The following CNTN6 variants were observed in gnomAD, a reference collection of about 807,000 sequenced individuals.
CNTN6 encodes contactin 6.
In CNTN6, 137 loss-of-function variants were observed where a neutral mutation model predicts 122.8. That is an observed-to-expected ratio of 1.12 (90% CI 0.97 to 1.29). CNTN6 has a LOEUF of 1.29. Among genes scored for constraint, CNTN6 ranks in the 50% most tolerant of loss-of-function variants. CNTN6 has a pLI of 0.00. For synonymous variants in CNTN6, 570 were observed against 426.0 expected, an observed-to-expected ratio of 1.34 and a Z score of -4.16; for missense variants, 1,634 against 1,223.4, an observed-to-expected ratio of 1.34 and a Z score of -5.01.
At chr3:1,239,618 A>C (rs1208555288) in intron 4 of CNTN6, among the ~76,000 whole-genome samples, 1 of 152,210 alleles carries the variant, frequency 6.6e-6, no homozygotes, top group African/African-American at 2.4e-5. Context: ...CTACAAAGTC[A>C]GTGCAATTCC....
At chr3:1,106,387 T>C (rs2091222989) in intron 1 of CNTN6, among the ~76,000 whole-genome samples, 1 of 152,134 alleles carries the variant, frequency 6.6e-6, no homozygotes. Flanking sequence ...GTTATTTGAC[T>C]TTGGCAGAAC....
rs1858065 is a variant in CNTN6, at chr3:1,306,164, T to A, written c.761+8173T>A. Among the ~76,000 whole-genome samples, 719 of 152,270 alleles carry A rather than the reference T, an allele frequency of 4.7e-3. 1 individual carries two copies. The highest frequency in any genetic ancestry group is 8.0e-3 in the Non-Finnish European group (547 of 68,004). On this transcript the variant is annotated intron_variant, in intron 7 of 22. Transcript: ENST00000446702. ...ATTGTTTACCTTTTGTTTCCCCTCATTGAGTTGAGCAGATAGAGAACAGAA... is the reference window on the plus strand; with the variant it reads ...ATTGTTTACCTTTTGTTTCCCCTCAATGAGTTGAGCAGATAGAGAACAGAA...
intron 4 of CNTN6, among the ~76,000 whole-genome samples, chr3:1,237,472 T>C (rs1041069625): frequency 5.3e-5 from 8 of 152,310 alleles, no homozygotes; most frequent in Non-Finnish European, 1.2e-4. Context: ...TTGGAAAATA[T>C]GTCTGAGAGA....
chr3:1,375,180 A>C (rs1294724725), intron 16 of CNTN6, among the ~76,000 whole-genome samples: 1 of 152,122 alleles, frequency 6.6e-6, no homozygotes, highest in Admixed American at 6.6e-5. Flanking sequence ...GGTGTTGTCC[A>C]TGACTCTGGA....
At chr3:1,302,605 T>C (rs533660981) in intron 7 of CNTN6, among the ~76,000 whole-genome samples, 19 of 152,252 alleles carry the variant, frequency 1.2e-4, no homozygotes, top group African/African-American at 3.6e-4. Context: ...TTTTAGGTCA[T>C]AAGAGAGCTT....
At chr3:1,377,376 G>C (rs141981183) in intron 17 of CNTN6, among the ~76,000 whole-genome samples, 2 of 152,066 alleles carry the variant, frequency 1.3e-5, no homozygotes, top group African/African-American at 2.4e-5. Context: ...TGTTTGATTT[G>C]TTACCTGTGG....
At chr3:1,096,864 A>C (rs2090553086) in intron 1 of CNTN6, among the ~76,000 whole-genome samples, 1 of 152,292 alleles carries the variant, frequency 6.6e-6, no homozygotes, top group African/African-American at 2.4e-5. Flanking sequence ...ATTTTCACTG[A>C]AGACGGAGGG....
At chr3:1,219,474 C>T (rs2094175855) in intron 2 of CNTN6, among the ~76,000 whole-genome samples, 1 of 152,130 alleles carries the variant, frequency 6.6e-6, no homozygotes, top group Non-Finnish European at 1.5e-5. Flanking sequence ...TTTTTAAAGC[C>T]AATTTTTACT....
Position 1,385,574 on chromosome 3 carries a change from G to A in CNTN6, c.2518-37G>A, listed in dbSNP as rs375565532. Reference sequence around the variant, plus strand: ...TAAAAAATGATTGATAGTTATTGGGGAACAATAAATTGCTTGTTTTGGTTT... The same window carrying A: ...TAAAAAATGATTGATAGTTATTGGGAAACAATAAATTGCTTGTTTTGGTTT... On this transcript the variant is annotated intron_variant, in intron 19 of 22. Transcript: ENST00000446702. 2.0e-5 allele frequency: 30 copies of A among 1,504,908 alleles called. No individual in the cohort carries two copies. In the African/African-American group the frequency reaches 2.8e-4, roughly 14 times the overall value. 93.2% of individuals were successfully genotyped at this position (1,504,908 alleles called of 1,614,324 possible).
intron 17 of CNTN6, among the ~76,000 whole-genome samples, chr3:1,382,041 A>G (rs1181042314): frequency 6.6e-6 from 1 of 152,072 alleles, no homozygotes; most frequent in Non-Finnish European, 1.5e-5. Context: ...AGTTGTGGAC[A>G]TGAGGGACTA....
chr3:1,132,369 A>G (rs1343558513), intron 1 of CNTN6, among the ~76,000 whole-genome samples: 1 of 152,140 alleles, frequency 6.6e-6, no homozygotes, highest in Non-Finnish European at 1.5e-5. Context: ...TTCTAAAGAC[A>G]CACCTACTCT....
At chr3:1,339,590 G>C (rs900287372) in intron 11 of CNTN6, among the ~76,000 whole-genome samples, 2 of 152,084 alleles carry the variant, frequency 1.3e-5, no homozygotes, top group African/African-American at 4.8e-5. Context: ...GCAGGTAACT[G>C]AACTGGCAGT....
At chr3:1,381,186 A>G (rs1435246239) in intron 17 of CNTN6, among the ~76,000 whole-genome samples, 2 of 152,200 alleles carry the variant, frequency 1.3e-5, no homozygotes, top group Non-Finnish European at 2.9e-5. Context: ...ATCCGAGATG[A>G]AAGAAACTTC....
chr3:1,389,948 C>G (rs1483009670), intron 20 of CNTN6, among the ~76,000 whole-genome samples: 1 of 150,456 alleles, frequency 6.6e-6, no homozygotes, highest in Non-Finnish European at 1.5e-5. Context: ...TAGACTCCCA[C>G]ACATTAATAA....
At chr3:1,340,260 A>G (rs17037992) in intron 11 of CNTN6, among the ~76,000 whole-genome samples, 11,611 of 152,246 alleles carry the variant, frequency 0.076, 580 homozygotes, top group Non-Finnish European at 0.11. Flanking sequence ...TTCATAATAT[A>G]CACATTTTTT....
At chr3:1,345,424 A>G (rs1187101249) in intron 11 of CNTN6, among the ~76,000 whole-genome samples, 2 of 152,116 alleles carry the variant, frequency 1.3e-5, no homozygotes, top group Non-Finnish European at 2.9e-5. Flanking sequence ...CCATACAATT[A>G]CTTATAATTA....
At chr3:1,376,627 AT>A (rs1709909377) in intron 16 of CNTN6, among the ~76,000 whole-genome samples, 1 of 152,072 alleles carries the variant, frequency 6.6e-6, no homozygotes, top group East Asian at 1.9e-4. Context: ...TTGAAAAAAA[AT>A]AATTAATATA....
intron 4 of CNTN6, among the ~76,000 whole-genome samples, chr3:1,245,633 A>T (rs1228597338): frequency 1.3e-5 from 2 of 151,480 alleles, no homozygotes; most frequent in African/African-American, 4.8e-5. Context: ...ATCACCACTA[A>T]AAAGCTTATT....
intron 1 of CNTN6, among the ~76,000 whole-genome samples, chr3:1,138,103 T>C (rs1308401356): frequency 6.6e-6 from 1 of 152,208 alleles, no homozygotes; most frequent in Non-Finnish European, 1.5e-5. Context: ...TCATCATCCT[T>C]GCACTGCTCC....
Sources: allele counts gnomAD v4.1 joint callset (sites outside exome capture counted in the v4.1 genomes callset), GRCh38; gene constraint gnomAD v4.1.1; transcripts MANE v1.5; gene names NCBI Gene and HGNC (gene_info 2026-07-23, HGNC 2026-07-21).